The following CADM2 variants were observed in gnomAD, a reference collection of about 807,000 sequenced individuals.
The protein encoded by CADM2 is cell adhesion molecule 2.
A neutral mutation model predicts 49.8 loss-of-function variants in CADM2; 12 were observed. The observed-to-expected ratio is 0.24, with a 90% CI of 0.15 to 0.39. CADM2 has a LOEUF of 0.39. CADM2 is among the 10% of genes least tolerant of loss of function. The pLI is 1.00. For missense variants in CADM2, 378 were observed against 492.3 expected, an observed-to-expected ratio of 0.77 and a Z score of 2.20; for synonymous variants, 214 against 175.4, an observed-to-expected ratio of 1.22 and a Z score of -1.74.
At chr3:85,247,312 G>T (rs2042671324) in intron 1 of CADM2, among the ~76,000 whole-genome samples, 1 of 152,072 alleles carries the variant, frequency 6.6e-6, no homozygotes, top group Admixed American at 6.6e-5. Context: ...TAACATTAGT[G>T]ATGAGGAATT....
At position 85,650,375 on chromosome 3, in the gene CADM2, G is replaced by A. The variant is rs1053030631; in HGVS notation, c.62-76147G>A. On this transcript the variant is annotated intron_variant, in intron 1 of 9. Transcript: ENST00000383699. ...CAAGCAAATACAAAGTACTGACATGGGGAAGTTTCGTGATATCATATTAAA... is the reference window on the plus strand; with the variant it reads ...CAAGCAAATACAAAGTACTGACATGAGGAAGTTTCGTGATATCATATTAAA... Among the ~76,000 whole-genome samples, 6 of 152,000 alleles carry A rather than the reference G, an allele frequency of 3.9e-5. 1 individual carries two copies. In the South Asian group the frequency reaches 6.2e-4, roughly 16 times the overall value.
At chr3:85,549,688 A>G (rs983432821) in intron 1 of CADM2, among the ~76,000 whole-genome samples, 1 of 151,870 alleles carries the variant, frequency 6.6e-6, no homozygotes, top group Non-Finnish European at 1.5e-5. Flanking sequence ...CAATGGTACT[A>G]TTTCAGCTCA....
chr3:86,039,505 T>A (rs1462293455), intron 8 of CADM2, among the ~76,000 whole-genome samples: 1 of 152,060 alleles, frequency 6.6e-6, no homozygotes. Flanking sequence ...CAGTCTGACA[T>A]CAAACTGCAA....
chr3:85,355,040 G>A lies in CADM2; in HGVS notation c.62-371482G>A, dbSNP rs573231179. Among the ~76,000 whole-genome samples the A allele has an allele frequency of 2.0e-4, 31 of 152,150 alleles. No homozygotes were observed. The South Asian group carries it at 6.4e-3, about 32-fold the overall frequency. On this transcript the variant is annotated intron_variant, in intron 1 of 9. Coordinates refer to ENST00000383699, the MANE Select transcript of CADM2 (RefSeq NM_001167675.2). ...TGGGTCGACGCTCAAACTTCAGAGC[G>A]TGTCGATGCTCTGACTTCAAAAGGT...
intron 1 of CADM2, among the ~76,000 whole-genome samples, chr3:85,034,369 C>G (rs768261660): frequency 6.6e-6 from 1 of 152,160 alleles, no homozygotes; most frequent in African/African-American, 2.4e-5. Context: ...CTTTGCCTGG[C>G]TTATTTCCCT....
rs74446005 is a variant in CADM2, at chr3:85,684,079, G to A, written c.62-42443G>A. Among the ~76,000 whole-genome samples the A allele has an allele frequency of 3.9e-5, 6 of 152,054 alleles. No homozygotes were observed. The East Asian group carries it at 1.2e-3, about 29-fold the overall frequency. On this transcript the variant is annotated intron_variant, in intron 1 of 9. Transcript: ENST00000383699. Reference sequence around the variant, plus strand: ...GGTGGATCAGAAGTATCACTCACAAGGTGTGGAACAAGAAAACAAATGAAG... The same window carrying A: ...GGTGGATCAGAAGTATCACTCACAAAGTGTGGAACAAGAAAACAAATGAAG...
intron 1 of CADM2, among the ~76,000 whole-genome samples, chr3:85,654,339 A>G (rs2065136414): frequency 6.6e-6 from 1 of 152,188 alleles, no homozygotes; most frequent in South Asian, 2.1e-4. Flanking sequence ...TGAGTAGGGA[A>G]GAGGGGATGG....
intron 1 of CADM2, among the ~76,000 whole-genome samples, chr3:85,584,416 G>T (rs1270130556): frequency 6.6e-6 from 1 of 151,968 alleles, no homozygotes; most frequent in East Asian, 1.9e-4. Context: ...ATAATATTAT[G>T]CTACCCGTTT....
At chr3:85,283,142 T>C (rs370001637) in intron 1 of CADM2, among the ~76,000 whole-genome samples, 37 of 152,214 alleles carry the variant, frequency 2.4e-4, no homozygotes, top group African/African-American at 8.7e-4. Context: ...AATGATTTTC[T>C]TTGATATGTT....
rs1289771790 is a variant in CADM2, at chr3:85,959,114, C to T, written c.792-2355C>T. Among the ~76,000 whole-genome samples, 6 of 146,672 alleles carry T rather than the reference C, an allele frequency of 4.1e-5. No individual in the cohort carries two copies. The Admixed American group carries it at 4.2e-4, about 10-fold the overall frequency. ...TATCTTTATATCTGTATATCTATAT[C>T]TATATAGCTATATAGCTGTATATCT... On this transcript the variant is annotated intron_variant, in intron 7 of 9. Coordinates refer to ENST00000383699, the MANE Select transcript of CADM2 (RefSeq NM_001167675.2).
chr3:85,658,486 A>AT (rs2065277694), intron 1 of CADM2, among the ~76,000 whole-genome samples: 1 of 150,576 alleles, frequency 6.6e-6, no homozygotes, highest in Admixed American at 6.6e-5. Flanking sequence ...CTAATACAAC[A>AT]TATTTATAAG....
At chr3:85,119,223 G>A (rs2038756674) in intron 1 of CADM2, among the ~76,000 whole-genome samples, 1 of 152,102 alleles carries the variant, frequency 6.6e-6, no homozygotes, top group South Asian at 2.1e-4. Context: ...ACTAGCTTGG[G>A]CAACATGGTG....
At chr3:85,835,358 C>A (rs2074364191) in intron 3 of CADM2, among the ~76,000 whole-genome samples, 1 of 145,192 alleles carries the variant, frequency 6.9e-6, no homozygotes, top group African/African-American at 2.5e-5. Flanking sequence ...TCCTGTTAAT[C>A]ACTGTTTATT....
At position 85,509,607 on chromosome 3, in the gene CADM2, T is replaced by C. The variant is rs150172141; in HGVS notation, c.62-216915T>C. Among the ~76,000 whole-genome samples, 116 of 152,260 alleles carry C rather than the reference T, an allele frequency of 7.6e-4. No individual in the cohort carries two copies. The East Asian group carries it at 0.011, about 15-fold the overall frequency. Reference sequence around the variant, plus strand: ...TAAATTTAATTATGGTTTCCATCCATGAGGGCAGTGATGGTCTGCGTGACA... The same window carrying C: ...TAAATTTAATTATGGTTTCCATCCACGAGGGCAGTGATGGTCTGCGTGACA... On this transcript the variant is annotated intron_variant, in intron 1 of 9. Coordinates refer to ENST00000383699, the MANE Select transcript of CADM2 (RefSeq NM_001167675.2).
intron 1 of CADM2, among the ~76,000 whole-genome samples, chr3:85,026,950 T>C (rs1366493152): frequency 2.6e-5 from 4 of 152,036 alleles, no homozygotes; most frequent in Non-Finnish European, 5.9e-5. Context: ...AGCTAACTTA[T>C]AGTAATTATA....
chr3:85,022,770 T>C (rs2034560772), intron 1 of CADM2, among the ~76,000 whole-genome samples: 2 of 152,166 alleles, frequency 1.3e-5, no homozygotes, highest in African/African-American at 4.8e-5. Flanking sequence ...CATTATATAA[T>C]AGAGACTCAA....
At chr3:85,077,485 C>A (rs1002910211) in intron 1 of CADM2, among the ~76,000 whole-genome samples, 1 of 151,988 alleles carries the variant, frequency 6.6e-6, no homozygotes, top group African/African-American at 2.4e-5. Context: ...TGTATGTGCA[C>A]TGTTGCCCTG....
At chr3:85,583,474 A>G (rs928195023) in intron 1 of CADM2, among the ~76,000 whole-genome samples, 4 of 152,124 alleles carry the variant, frequency 2.6e-5, no homozygotes, top group African/African-American at 7.2e-5. Context: ...ATCTCTAATC[A>G]TTGTCATTCT....
intron 1 of CADM2, among the ~76,000 whole-genome samples, chr3:85,496,618 G>A (rs2039911687): frequency 6.6e-6 from 1 of 152,086 alleles, no homozygotes; most frequent in Admixed American, 6.6e-5. Context: ...AAATCTCCAA[G>A]CTGTTTTCCA....
Sources: gnomAD v4.1 joint callset for allele counts (sites outside exome capture counted in the v4.1 genomes callset) on GRCh38, gnomAD v4.1.1 for gene constraint, MANE v1.5 for transcripts, NCBI Gene and HGNC (gene_info 2026-07-23, HGNC 2026-07-21) for gene names.